The following WDFY4 variants were observed in gnomAD, a reference collection of about 807,000 sequenced individuals.
The protein encoded by WDFY4 is WD repeat- and FYVE domain-containing protein 4.
A neutral mutation model predicts 351.9 loss-of-function variants in WDFY4; 169 were observed. That is an observed-to-expected ratio of 0.48 (90% CI 0.42 to 0.55). The LOEUF is 0.55. Among genes scored for constraint, WDFY4 ranks in the 20% least tolerant of loss-of-function variants. WDFY4 has a pLI of 0.00. For missense variants in WDFY4, 3,803 were observed against 3,935.6 expected (o/e 0.97, Z 0.90); for synonymous variants, 1,622 against 1,574.6 (o/e 1.03, Z -0.71).
chr10:48,775,676 A>G, intron 14 of WDFY4, 36 bp from the exon 15 acceptor site: 1 of 1,535,204 alleles, frequency 6.5e-7, no homozygotes, highest in South Asian at 1.2e-5. Context: ...TGCTAGTAAA[A>G]TGTCTTCATT....
At chr10:48,690,862 C>T (rs537013987) in intron 1 of WDFY4, among the ~76,000 whole-genome samples, 13 of 152,156 alleles carry the variant, frequency 8.5e-5, no homozygotes, top group Non-Finnish European at 1.8e-4. Flanking sequence ...CCATGAGCAG[C>T]CTGAAAAAGA....
intron 51 of WDFY4, among the ~76,000 whole-genome samples, chr10:48,948,922 G>C (rs1226347814): frequency 3.3e-5 from 5 of 152,240 alleles, no homozygotes; most frequent in Non-Finnish European, 7.3e-5. Context: ...GACCTAACAG[G>C]TGTGTTGTGA....
intron 54 of WDFY4, among the ~76,000 whole-genome samples, chr10:48,964,802 C>G (rs1842005967): frequency 6.6e-6 from 1 of 152,220 alleles, no homozygotes; most frequent in African/African-American, 2.4e-5. Flanking sequence ...GATTCTGGCC[C>G]TGTTGATCCT....
intron 47 of WDFY4, among the ~76,000 whole-genome samples, chr10:48,908,582 G>A (rs1447375941): frequency 6.6e-6 from 1 of 151,118 alleles, no homozygotes; most frequent in Non-Finnish European, 1.5e-5. Context: ...ATCAGCACTG[G>A]GCAGATGTAT....
intron 13 of WDFY4, among the ~76,000 whole-genome samples, chr10:48,772,678 C>T (rs1340833603): frequency 3.4e-5 from 5 of 148,568 alleles, no homozygotes; most frequent in Middle Eastern, 3.2e-3. Context: ...GTATATCTCC[C>T]AATGCTATCC....
At chr10:48,893,975 A>C (rs1826976191) in intron 44 of WDFY4, among the ~76,000 whole-genome samples, 1 of 152,202 alleles carries the variant, frequency 6.6e-6, no homozygotes, top group South Asian at 2.1e-4. Flanking sequence ...CCTTCTACCC[A>C]GTACCCTTGA....
chr10:48,775,845 G>A lies in WDFY4; in HGVS notation c.2863+39G>A, dbSNP rs1871604. 2.5e-5 allele frequency: 38 copies of A among 1,512,836 alleles called. No individual in the cohort carries two copies. The East Asian group carries it at 9.1e-4, about 36-fold the overall frequency. The allele number at this position is 1,512,836 out of a possible 1,614,324, so 93.7% of individuals were successfully genotyped here. ...CAAGAACGGGGCAGGTTAATGGGAA[G>A]TAAAAGATGATAGGCATTCCTGCTG... On this transcript the variant is annotated intron_variant, in intron 15 of 61. Transcript: ENST00000325239.
At chr10:48,902,646 T>C (rs1011549882) in intron 47 of WDFY4, among the ~76,000 whole-genome samples, 1 of 152,048 alleles carries the variant, frequency 6.6e-6, no homozygotes, top group Non-Finnish European at 1.5e-5. Context: ...CCTGTCCTTA[T>C]TGAGTTCACA....
chr10:48,783,930 T>C (rs557569981), intron 19 of WDFY4, among the ~76,000 whole-genome samples: 4 of 152,298 alleles, frequency 2.6e-5, no homozygotes, highest in African/African-American at 9.6e-5. Context: ...GCATATGTGC[T>C]CTGACACTGA....
At chr10:48,966,902 TTCTG>T (rs1330347815) in intron 55 of WDFY4, 7 of 565,966 alleles carry the variant, frequency 1.2e-5, no homozygotes, top group African/African-American at 1.9e-5. Flanking sequence ...CTCTCTGTCT[TTCTG>T]TCTGTCTCTC....
chr10:48,933,103 G>A lies in WDFY4; in HGVS notation c.7587-8703G>A, dbSNP rs368708132. Among the ~76,000 whole-genome samples, 1,485 of 152,254 alleles carry A rather than the reference G, an allele frequency of 9.8e-3. 12 individuals are homozygous for A. Among genetic ancestry groups the A allele is most frequent in the Non-Finnish European group, 0.015 (1,042 of 68,026 alleles). ...GAGAAGAGGGGAGTCTGTGCTGAAG[G>A]GCATGGCAGAGGAGGGACCATGTGG... On this transcript the variant is annotated intron_variant, in intron 47 of 61. Coordinates refer to ENST00000325239, the MANE Select transcript of WDFY4 (RefSeq NM_001394531.1).
At chr10:48,867,702 A>G (rs1316625039) in intron 40 of WDFY4, among the ~76,000 whole-genome samples, 1 of 152,246 alleles carries the variant, frequency 6.6e-6, no homozygotes, top group Non-Finnish European at 1.5e-5. Flanking sequence ...TTTAAAAGCA[A>G]GTGTGAAGCA....
intron 2 of WDFY4, among the ~76,000 whole-genome samples, chr10:48,717,917 T>C (rs569036159): frequency 4.9e-4 from 75 of 152,322 alleles, no homozygotes; most frequent in Middle Eastern, 6.8e-3. Context: ...TACCTAGCAA[T>C]GAAATTGCCA....
At chr10:48,807,554 G>A (rs182129519) in intron 27 of WDFY4, among the ~76,000 whole-genome samples, 2 of 152,276 alleles carry the variant, frequency 1.3e-5, no homozygotes, top group African/African-American at 4.8e-5. Context: ...AAATGTTGCA[G>A]CCTATAATAA....
At chr10:48,839,200 G>A (rs2133110229) in intron 39 of WDFY4, among the ~76,000 whole-genome samples, 1 of 152,266 alleles carries the variant, frequency 6.6e-6, no homozygotes, top group South Asian at 2.1e-4. Flanking sequence ...TGGAATGCAG[G>A]GGAAGTAACT....
At chr10:48,787,951 CTT>C (rs1565199228) in intron 20 of WDFY4, among the ~76,000 whole-genome samples, 24 of 118,380 alleles carry the variant, frequency 2.0e-4, no homozygotes, top group East Asian at 1.2e-3. Context: ...TCTTCTTCTT[CTT>C]CTTCTTCTTC....
intron 43 of WDFY4, among the ~76,000 whole-genome samples, chr10:48,889,738 G>A (rs2070615078): frequency 1.3e-5 from 2 of 152,136 alleles, no homozygotes; most frequent in South Asian, 4.1e-4. Flanking sequence ...GTTCTGCACG[G>A]AGAAAGTTGA....
At chr10:48,822,691 C>G (rs947438169) in intron 35 of WDFY4, among the ~76,000 whole-genome samples, 154 bp downstream of exon 35, 1 of 152,188 alleles carries the variant, frequency 6.6e-6, no homozygotes, top group Non-Finnish European at 1.5e-5. Context: ...CCAGGTAATA[C>G]CTGGAGGCTA....
intron 19 of WDFY4, among the ~76,000 whole-genome samples, chr10:48,781,258 G>GTGTGTGTGTATATATATATATGTT (rs2066213843): frequency 6.6e-6 from 1 of 151,560 alleles, no homozygotes; most frequent in Non-Finnish European, 1.5e-5. Flanking sequence ...ATATATATGT[G>GTGTGTGTGTATATATATATATGTT]TGTGTGTGTA....
Sources: gnomAD v4.1 joint callset for allele counts (sites outside exome capture counted in the v4.1 genomes callset) on GRCh38, gnomAD v4.1.1 for gene constraint, MANE v1.5 for transcripts, NCBI Gene and HGNC (gene_info 2026-07-23, HGNC 2026-07-21) for gene names.